The following KANK1 variants were observed in gnomAD, a reference collection of about 807,000 sequenced individuals.
KANK1 encodes the protein KN motif and ankyrin repeat domains 1, also known as KN motif and ankyrin repeat domain-containing protein 1.
KANK1 carries 109 observed loss-of-function variants against 106.2 expected under a neutral mutation model. The observed-to-expected ratio is 1.03, with a 90% confidence interval of 0.88 to 1.20. The LOEUF (loss-of-function observed/expected upper bound fraction) is 1.20. Ranked by LOEUF, KANK1 falls within the 50% of genes most tolerant of loss-of-function variation. The pLI is 0.00. For synonymous variants in KANK1, 873 were observed against 652.2 expected (o/e 1.34, Z -5.16); for missense variants, 2,399 against 1,710.7 (o/e 1.40, Z -7.10).
chr9:626,933 A>G (rs979349503), intron 1 of KANK1, among the ~76,000 whole-genome samples: 1 of 152,200 alleles, frequency 6.6e-6, no homozygotes, highest in African/African-American at 2.4e-5. Context: ...ACTGGTGTAC[A>G]TCGGTGCTTC....
chr9:633,576 C>G (rs1836344881), intron 1 of KANK1, among the ~76,000 whole-genome samples: 1 of 152,336 alleles, frequency 6.6e-6, no homozygotes, highest in East Asian at 1.9e-4. Flanking sequence ...AGCATTGTAT[C>G]CAGATTCCTG....
In KANK1 at chr9:630,517, C is replaced by G. The variant is rs547648997; in HGVS notation, c.-83-46373C>G. Among the ~76,000 whole-genome samples, 73 of 151,150 alleles carry G rather than the reference C, an allele frequency of 4.8e-4. 1 individual carries two copies. Among genetic ancestry groups the G allele is most frequent in the Admixed American group, 4.7e-3 (71 of 15,208 alleles). Reference sequence around the variant, plus strand: ...AGTGAGCTGAGATCCCGCCACTGCACTGCAGCCTGGGCGACAGAGCGAGAC... The same window carrying G: ...AGTGAGCTGAGATCCCGCCACTGCAGTGCAGCCTGGGCGACAGAGCGAGAC... On this transcript the variant is annotated intron_variant, in intron 1 of 11. Transcript: ENST00000382297.
At chr9:662,908 C>G (rs961832776) in intron 1 of KANK1, among the ~76,000 whole-genome samples, 7 of 152,116 alleles carry the variant, frequency 4.6e-5, no homozygotes, top group African/African-American at 1.4e-4. Flanking sequence ...GTGATCCACC[C>G]ACCTTGGCCT....
At chr9:679,028 T>C (rs1816975335) in intron 2 of KANK1, among the ~76,000 whole-genome samples, 1 of 152,160 alleles carries the variant, frequency 6.6e-6, no homozygotes, top group Non-Finnish European at 1.5e-5. Flanking sequence ...GTACTTACCT[T>C]TTTTCTTTGT....
At chr9:548,331 T>C (rs1437728024) in intron 1 of KANK1, among the ~76,000 whole-genome samples, 1 of 152,210 alleles carries the variant, frequency 6.6e-6, no homozygotes, top group Non-Finnish European at 1.5e-5. Context: ...ATTTTAGGTA[T>C]TAACTCAGGA....
At chr9:636,519 T>A (rs1368628409) in intron 1 of KANK1, among the ~76,000 whole-genome samples, 3 of 151,972 alleles carry the variant, frequency 2.0e-5, no homozygotes, top group Non-Finnish European at 4.4e-5. Context: ...ATCAACAGAG[T>A]CCGAAACGTT....
In KANK1 at chr9:611,162, A is replaced by G. The variant is rs115183722; in HGVS notation, c.-83-65728A>G. Among the ~76,000 whole-genome samples the G allele has an allele frequency of 5.2e-3, 789 of 152,278 alleles. 5 individuals carry two copies. The highest frequency in any genetic ancestry group is 0.018 in the African/African-American group (746 of 41,544). On this transcript the variant is annotated intron_variant, in intron 1 of 11. Transcript: ENST00000382297. ...CATGTGAGGAGGTTTTTTGGCCTTCAGAGATGTCGCTGTCAGCCCCCTGAG... is the reference window on the plus strand; with the variant it reads ...CATGTGAGGAGGTTTTTTGGCCTTCGGAGATGTCGCTGTCAGCCCCCTGAG...
chr9:535,118 G>A (rs1252521860), intron 1 of KANK1, among the ~76,000 whole-genome samples: 1 of 152,184 alleles, frequency 6.6e-6, no homozygotes, highest in Non-Finnish European at 1.5e-5. Context: ...ACTGCAGTGG[G>A]CAAGTTTCCA....
In KANK1 at chr9:590,478, A is replaced by G. The variant is rs546145865; in HGVS notation, c.-84+85724A>G. The stretch of plus-strand genomic sequence containing the variant: ...ATATTTTATGGTGCTTTAGATATAT[A>G]TATGTATATTTTTGCTTAGAGACTT... On this transcript the variant is annotated intron_variant, in intron 1 of 11. Coordinates refer to ENST00000382297, the MANE Select transcript of KANK1 (RefSeq NM_015158.5). Among the ~76,000 whole-genome samples, 3 of 152,172 alleles carry G rather than the reference A, an allele frequency of 2.0e-5. No homozygotes were observed. In the East Asian group the frequency reaches 5.8e-4, roughly 29 times the overall value.
chr9:656,670 G>A (rs192838204), intron 1 of KANK1, among the ~76,000 whole-genome samples: 11 of 152,274 alleles, frequency 7.2e-5, no homozygotes, highest in South Asian at 4.1e-4. Context: ...GTAGGTGAAC[G>A]TCAGCAGAAC....
chr9:639,569 G>A (rs916475547), intron 1 of KANK1, among the ~76,000 whole-genome samples: 5 of 151,888 alleles, frequency 3.3e-5, no homozygotes, highest in Admixed American at 1.3e-4. Context: ...TGCCCACCTC[G>A]GCCTCCCAAA....
intron 1 of KANK1, among the ~76,000 whole-genome samples, chr9:524,474 G>A (rs79786639): frequency 0.043 from 6,530 of 151,640 alleles, 198 homozygotes; most frequent in Non-Finnish European, 0.053. Flanking sequence ...CTTTGGCCAG[G>A]TTGGCACCAT....
chr9:713,485 C>G, intron 3 of KANK1, 21 bp downstream of exon 3: 2 of 1,526,588 alleles, frequency 1.3e-6, no homozygotes, highest in Non-Finnish European at 8.8e-7. Context: ...CCCTGAGGAC[C>G]TGGGAATGAG....
intron 1 of KANK1, among the ~76,000 whole-genome samples, chr9:661,524 T>C (rs1385686750): frequency 6.6e-6 from 1 of 152,190 alleles, no homozygotes; most frequent in Non-Finnish European, 1.5e-5. Flanking sequence ...CAGTCTATCA[T>C]TGATGGGCAT....
At chr9:663,140 A>G (rs1345852712) in intron 1 of KANK1, among the ~76,000 whole-genome samples, 1 of 152,240 alleles carries the variant, frequency 6.6e-6, no homozygotes, top group Admixed American at 6.5e-5. Flanking sequence ...GTGGAATTAA[A>G]GGAAAAATTT....
chr9:493,726 T>C (rs2058414581), intron 3 of KANK1, among the ~76,000 whole-genome samples: 1 of 151,338 alleles, frequency 6.6e-6, no homozygotes, highest in Non-Finnish European at 1.5e-5. Flanking sequence ...TTTTGTATTT[T>C]AGTAGAGACA....
intron 3 of KANK1, among the ~76,000 whole-genome samples, chr9:481,549 C>T (rs2058204577): frequency 6.6e-6 from 1 of 152,142 alleles, no homozygotes. Flanking sequence ...CCTCAGAAAA[C>T]TCAAAACTAC....
At chr9:509,410 C>A (rs530041812) in intron 1 of KANK1, among the ~76,000 whole-genome samples, 16 of 152,318 alleles carry the variant, frequency 1.1e-4, no homozygotes, top group Admixed American at 9.8e-4. Flanking sequence ...TATATTTACC[C>A]CATCCTAGCA....
Position 711,223 on chromosome 9 carries a change from C to T in KANK1, c.457C>T (p.His153Tyr). Residue 153 changes from histidine to tyrosine, a missense_variant, in exon 3 of 12, where the codon CAT (histidine) becomes TAT (tyrosine). Coordinates refer to ENST00000382297, the MANE Select transcript of KANK1 (RefSeq NM_015158.5). The part of the protein sequence containing the change: ...PSPQLPKHNL[H>Y]VTKTLMETRR... ...ACCACAACTCCCAAAGCATAACCTT[C>T]ATGTCACCAAGACACTGATGGAGAC... 1 of 1,614,192 alleles carries T rather than the reference C, an allele frequency of 6.2e-7. No individual in the cohort carries two copies. The highest frequency in any genetic ancestry group is 8.5e-7 in the Non-Finnish European group (1 of 1,180,046).
Sources: gnomAD v4.1 joint callset for allele counts (sites outside exome capture counted in the v4.1 genomes callset) on GRCh38, gnomAD v4.1.1 for gene constraint, MANE v1.5 for transcripts, NCBI Gene and HGNC (gene_info 2026-07-23, HGNC 2026-07-21) for gene names.